MTUS2: variants seen among roughly 807,000 people sequenced by gnomAD.
The protein encoded by MTUS2 is microtubule-associated tumor suppressor candidate 2.
A neutral mutation model predicts 114.1 loss-of-function variants in MTUS2; 40 were observed. The ratio of observed to expected loss-of-function variants is 0.35; its 90% CI spans 0.27 to 0.46. The LOEUF (loss-of-function observed/expected upper bound fraction) is 0.46, where lower values mean the gene tolerates loss of function less well. Among genes scored for constraint, MTUS2 ranks in the 20% least tolerant of loss-of-function variants. MTUS2 has a pLI of 1.00. For synonymous variants in MTUS2, 688 were observed against 672.0 expected, an observed-to-expected ratio of 1.02 and a Z score of -0.37; for missense variants, 1,679 against 1,705.4, an observed-to-expected ratio of 0.98 and a Z score of 0.27.
intron 4 of MTUS2, among the ~76,000 whole-genome samples, chr13:29,049,909 C>T (rs1024319727): frequency 6.6e-6 from 1 of 152,174 alleles, no homozygotes; most frequent in African/African-American, 2.4e-5. Context: ...TGGAGATAAG[C>T]CCAGGTTGAA....
At chr13:29,181,712 A>G (rs754077785) in intron 5 of MTUS2, among the ~76,000 whole-genome samples, 31 of 152,268 alleles carry the variant, frequency 2.0e-4, no homozygotes, top group Admixed American at 2.6e-4. Flanking sequence ...GTTTTCTAAT[A>G]AAGGATTTTA....
intron 9 of MTUS2, among the ~76,000 whole-genome samples, chr13:29,443,320 G>A (rs928827504): frequency 1.3e-5 from 2 of 152,216 alleles, no homozygotes; most frequent in Admixed American, 6.5e-5. Context: ...GGCTCTGGGG[G>A]CCCTGTGTCC....
intron 5 of MTUS2, among the ~76,000 whole-genome samples, chr13:29,174,999 A>G (rs776479835): frequency 1.3e-5 from 2 of 152,182 alleles, no homozygotes; most frequent in Admixed American, 1.3e-4. Context: ...AGCCAATAAC[A>G]TGTTCGTAAA....
chr13:28,897,260 AAAG>A (rs201053683), intron 2 of MTUS2, among the ~76,000 whole-genome samples: 2,668 of 152,338 alleles, frequency 0.018, 79 homozygotes, highest in African/African-American at 0.061. Flanking sequence ...ATGCTTCTCA[AAAG>A]AAGACATTTA....
intron 8 of MTUS2, among the ~76,000 whole-genome samples, chr13:29,421,752 A>G (rs191943974): frequency 3.3e-5 from 5 of 152,338 alleles, no homozygotes; most frequent in African/African-American, 9.6e-5. Flanking sequence ...TCACAGAGAA[A>G]GAGGGAATTC....
At chr13:29,267,967 G>C (rs181321249) in intron 5 of MTUS2, among the ~76,000 whole-genome samples, 6 of 152,266 alleles carry the variant, frequency 3.9e-5, no homozygotes, top group Non-Finnish European at 4.4e-5. Flanking sequence ...AGATCATTTA[G>C]AATCCTAAGG....
chr13:29,498,253 GC>G (rs1166630345), intron 13 of MTUS2, among the ~76,000 whole-genome samples, 164 bp from the exon 14 acceptor site: 2 of 152,188 alleles, frequency 1.3e-5, no homozygotes, highest in Non-Finnish European at 2.9e-5. Flanking sequence ...AACTAGCAGG[GC>G]CCCTTTATCA....
intron 6 of MTUS2, among the ~76,000 whole-genome samples, chr13:29,299,836 C>T (rs1418815828): frequency 2.0e-5 from 3 of 151,588 alleles, no homozygotes; most frequent in Admixed American, 2.0e-4. Flanking sequence ...GAGAAACTTG[C>T]AAGCTGTGAA....
At chr13:29,410,313 G>A (rs1319744594) in intron 8 of MTUS2, among the ~76,000 whole-genome samples, 1 of 152,132 alleles carries the variant, frequency 6.6e-6, no homozygotes, top group Non-Finnish European at 1.5e-5. Flanking sequence ...TTTTAGTAGA[G>A]ATGGGATTTC....
intron 2 of MTUS2, among the ~76,000 whole-genome samples, chr13:28,992,477 T>C (rs1411331035): frequency 1.3e-5 from 2 of 152,164 alleles, no homozygotes; most frequent in African/African-American, 4.8e-5. Context: ...AGAGATGGTT[T>C]TGACGGCTGC....
At chr13:28,821,446 C>T (rs983503877) in intron 1 of MTUS2, among the ~76,000 whole-genome samples, 8 of 152,126 alleles carry the variant, frequency 5.3e-5, no homozygotes, top group Non-Finnish European at 1.2e-4. Flanking sequence ...TTATTTTTAT[C>T]TCTGATGGAA....
intron 3 of MTUS2, among the ~76,000 whole-genome samples, chr13:29,027,697 G>GC (rs1382303821): frequency 9.2e-5 from 14 of 152,186 alleles, no homozygotes; most frequent in Admixed American, 7.8e-4. Context: ...GACTACAGGC[G>GC]CCCGCCACCG....
chr13:28,855,743 A>C (rs1259643109), intron 2 of MTUS2, among the ~76,000 whole-genome samples: 2 of 152,162 alleles, frequency 1.3e-5, no homozygotes, highest in Non-Finnish European at 2.9e-5. Flanking sequence ...ATACACATGC[A>C]TGTATCTTTG....
chr13:29,486,582 G>A (rs374813069), intron 10 of MTUS2, among the ~76,000 whole-genome samples: 2 of 152,136 alleles, frequency 1.3e-5, no homozygotes, highest in East Asian at 1.9e-4. Context: ...CAAGACCAGT[G>A]CACATTTTCT....
At chr13:29,056,732 A>G (rs1264284659) in intron 4 of MTUS2, among the ~76,000 whole-genome samples, 1 of 151,996 alleles carries the variant, frequency 6.6e-6, no homozygotes, top group Non-Finnish European at 1.5e-5. Context: ...TGGTCTATCC[A>G]TGTTGTTTAT....
chr13:28,842,550 A>G (rs1442535529), intron 2 of MTUS2, among the ~76,000 whole-genome samples: 2 of 152,228 alleles, frequency 1.3e-5, no homozygotes, highest in Non-Finnish European at 2.9e-5. Context: ...AGGTTTGATG[A>G]TGATCTGGTA....
intron 2 of MTUS2, among the ~76,000 whole-genome samples, chr13:28,862,299 A>G (rs371639921): frequency 5.3e-5 from 8 of 152,372 alleles, no homozygotes; most frequent in African/African-American, 1.9e-4. Flanking sequence ...ATCAAACATT[A>G]GAAAAGCCAG....
chr13:28,880,943 G>A (rs1162901888), intron 2 of MTUS2, among the ~76,000 whole-genome samples: 1 of 152,100 alleles, frequency 6.6e-6, no homozygotes, highest in Non-Finnish European at 1.5e-5. Flanking sequence ...AGGTGTTTAT[G>A]GAAACACAGA....
chr13:28,877,762 C>A (rs2138125747), intron 2 of MTUS2, among the ~76,000 whole-genome samples: 1 of 152,240 alleles, frequency 6.6e-6, no homozygotes, highest in Middle Eastern at 3.4e-3. Flanking sequence ...TCTCTTGATG[C>A]CATAATCTGT....
Sources: gnomAD v4.1 joint callset for allele counts (sites outside exome capture counted in the v4.1 genomes callset) on GRCh38, gnomAD v4.1.1 for gene constraint, MANE v1.5 for transcripts, NCBI Gene and HGNC (gene_info 2026-07-23, HGNC 2026-07-21) for gene names.